Variants in DIS3L2 observed in about 807,000 individuals in gnomAD.
DIS3L2 encodes the protein DIS3 like 3'-5' exoribonuclease 2, also known as DIS3-like exonuclease 2.
A neutral mutation model predicts 97.5 loss-of-function variants in DIS3L2; 34 were observed. The observed-to-expected ratio is 0.35, with a 90% CI of 0.27 to 0.46. The LOEUF (loss-of-function observed/expected upper bound fraction) is 0.46, where lower values mean the gene tolerates loss of function less well. Ranked by LOEUF, DIS3L2 falls within the 20% of genes least tolerant of loss-of-function variation. The probability of loss-of-function intolerance (pLI) is 1.00; values close to 1 mark genes in which losing one functional copy is unlikely to be tolerated. For synonymous variants in DIS3L2, 435 were observed against 445.2 expected, an observed-to-expected ratio of 0.98 and a Z score of 0.29; for missense variants, 1,038 against 1,146.0, an observed-to-expected ratio of 0.91 and a Z score of 1.36.
At chr2:232,291,361 G>A (rs1394678231) in intron 13 of DIS3L2, among the ~76,000 whole-genome samples, 2 of 152,236 alleles carry the variant, frequency 1.3e-5, no homozygotes, top group African/African-American at 2.4e-5. Flanking sequence ...AAGGCTGCAG[G>A]TAGAAGTAAC....
intron 6 of DIS3L2, among the ~76,000 whole-genome samples, chr2:232,096,797 A>G (rs1355300634): frequency 2.0e-5 from 3 of 151,818 alleles, no homozygotes; most frequent in Non-Finnish European, 4.4e-5. Flanking sequence ...CTCTTTGGTA[A>G]TTTATCTGAT....
chr2:232,329,650 C>T (rs192634358), intron 14 of DIS3L2, 163 bp from the exon 15 acceptor site: 6 of 689,670 alleles, frequency 8.7e-6, no homozygotes, highest in Middle Eastern at 8.6e-4. Context: ...CTGGGCAAGA[C>T]AGGGACTTGG....
At chr2:232,329,789 T>TGGGGCC in intron 14 of DIS3L2, 24 bp from the exon 15 acceptor site, 2 of 368,620 alleles carry the variant, frequency 5.4e-6, no homozygotes, top group Non-Finnish European at 1.0e-5. Context: ...CAGCGGTCCC[T>TGGGGCC]CCCATCCCAC....
intron 1 of DIS3L2, among the ~76,000 whole-genome samples, chr2:231,987,444 A>T (rs1045171543): frequency 6.6e-6 from 1 of 152,230 alleles, no homozygotes; most frequent in African/African-American, 2.4e-5. Flanking sequence ...GCTCTGCATG[A>T]ATATAGGTTT....
At chr2:232,242,493 G>A (rs1693127556) in intron 11 of DIS3L2, among the ~76,000 whole-genome samples, 1 of 152,162 alleles carries the variant, frequency 6.6e-6, no homozygotes, top group African/African-American at 2.4e-5. Context: ...AGTCCTTCCT[G>A]CTCCTCCTTG....
Position 232,337,076 on chromosome 2 carries a change from CGAT to C in DIS3L2, c.*448_*450del. The stretch of plus-strand genomic sequence containing the variant: ...CAGGCTTCACCCCTCGCTGCTGAGC[CGAT>C]GTCAACACCTGGAACTTTCCTGTCA... On this transcript the variant is annotated 3_prime_UTR_variant, in exon 21 of 21. Transcript: ENST00000325385. 2 of 1,028,430 alleles carry C rather than the reference CGAT, an allele frequency of 1.9e-6. No individual in the cohort carries two copies. Among genetic ancestry groups the C allele is most frequent in the Non-Finnish European group, 2.3e-6 (2 of 858,480 alleles). 63.7% of individuals were successfully genotyped at this position (1,028,430 alleles called of 1,614,324 possible).
chr2:232,168,209 G>A (rs1017248210), intron 9 of DIS3L2, among the ~76,000 whole-genome samples: 4 of 151,964 alleles, frequency 2.6e-5, no homozygotes, highest in Non-Finnish European at 5.9e-5. Context: ...TTTAAAATTC[G>A]AGTATGTTAT....
At chr2:232,337,620 G>A (rs1454806252), downstream of DIS3L2, among the ~76,000 whole-genome samples, 2 of 152,078 alleles carry the variant, frequency 1.3e-5, no homozygotes, top group African/African-American at 4.8e-5. Flanking sequence ...CTCCGTGGGG[G>A]AAGCTCCGTG....
At chr2:231,992,388 C>T (rs1693609409) in intron 1 of DIS3L2, among the ~76,000 whole-genome samples, 1 of 152,132 alleles carries the variant, frequency 6.6e-6, no homozygotes, top group African/African-American at 2.4e-5. Context: ...CCCTCCTACC[C>T]TCACAGAAGC....
At chr2:232,220,226 T>C (rs1277593140) in intron 10 of DIS3L2, among the ~76,000 whole-genome samples, 4 of 152,020 alleles carry the variant, frequency 2.6e-5, no homozygotes, top group Non-Finnish European at 5.9e-5. Context: ...GGAAGACCAC[T>C]TGAGCCTGGG....
intron 9 of DIS3L2, among the ~76,000 whole-genome samples, chr2:232,179,735 A>C (rs1691213018): frequency 9.5e-6 from 1 of 105,480 alleles, no homozygotes; most frequent in Non-Finnish European, 1.7e-5. Flanking sequence ...CGGTCTATCA[A>C]TTTTGTTGAT....
At chr2:232,051,286 G>T (rs947166444) in intron 5 of DIS3L2, among the ~76,000 whole-genome samples, 8 of 152,066 alleles carry the variant, frequency 5.3e-5, no homozygotes, top group Non-Finnish European at 1.0e-4. Flanking sequence ...CAAGTAGTAG[G>T]TACTTTTAAA....
At chr2:232,244,862 T>C (rs1428325795) in intron 11 of DIS3L2, among the ~76,000 whole-genome samples, 1 of 152,176 alleles carries the variant, frequency 6.6e-6, no homozygotes, top group Non-Finnish European at 1.5e-5. Context: ...CCAACCCTCA[T>C]GGAGGTAAGA....
intron 4 of DIS3L2, among the ~76,000 whole-genome samples, chr2:232,028,188 T>C (rs1425557713): frequency 6.6e-6 from 1 of 152,110 alleles, no homozygotes; most frequent in Non-Finnish European, 1.5e-5. Context: ...ACCTCCCAAT[T>C]CCATTATTTT....
At chr2:232,266,278 C>T (rs1170325424) in intron 13 of DIS3L2, among the ~76,000 whole-genome samples, 1 of 152,142 alleles carries the variant, frequency 6.6e-6, no homozygotes, top group African/African-American at 2.4e-5. Context: ...CTGAAAATGG[C>T]TTTGGATATC....
At chr2:232,285,540 A>C (rs1182243580) in intron 13 of DIS3L2, among the ~76,000 whole-genome samples, 1 of 152,226 alleles carries the variant, frequency 6.6e-6, no homozygotes, top group Admixed American at 6.5e-5. Context: ...GGGAAAGGTA[A>C]ATTGTTGCAA....
intron 13 of DIS3L2, among the ~76,000 whole-genome samples, chr2:232,284,353 T>C (rs1450235745): frequency 6.6e-6 from 1 of 152,214 alleles, no homozygotes; most frequent in Non-Finnish European, 1.5e-5. Context: ...TCTGTGAGCC[T>C]CCAGCTTCCC....
At chr2:232,108,076 C>T (rs1319002168) in intron 6 of DIS3L2, among the ~76,000 whole-genome samples, 2 of 151,796 alleles carry the variant, frequency 1.3e-5, no homozygotes, top group Non-Finnish European at 2.9e-5. Context: ...AGAGTTAAAT[C>T]AAAAAAAGAA....
At position 232,095,494 on chromosome 2, in the gene DIS3L2, C is replaced by T. The variant is rs189085757; in HGVS notation, c.601+7773C>T. ...TTTTTAAGTTTCTGTTGCTTTTATT[C>T]ACATCTTACAATATTATCTATGTCT... On this transcript the variant is annotated intron_variant, in intron 6 of 20. Transcript: ENST00000325385. 2.0e-5 allele frequency among the ~76,000 whole-genome samples: 3 copies of T among 152,254 alleles called. No individual in the cohort carries two copies. The East Asian group carries it at 5.8e-4, about 29-fold the overall frequency.
Sources: gnomAD v4.1 joint callset for allele counts (sites outside exome capture counted in the v4.1 genomes callset) on GRCh38, gnomAD v4.1.1 for gene constraint, MANE v1.5 for transcripts, NCBI Gene and HGNC (gene_info 2026-07-23, HGNC 2026-07-21) for gene names.